Variants in PALLD observed in about 807,000 individuals in gnomAD.
The protein encoded by PALLD is palladin, cytoskeletal associated protein.
In PALLD, 61 loss-of-function variants were observed where a neutral mutation model predicts 123.5. The ratio of observed to expected loss-of-function variants is 0.49; its 90% CI spans 0.40 to 0.61. PALLD has a LOEUF of 0.61. Ranked by LOEUF, PALLD falls within the 20% of genes least tolerant of loss-of-function variation. The pLI, the probability that PALLD is intolerant of heterozygous loss-of-function variation, is 0.00. For synonymous variants in PALLD, 465 were observed against 496.4 expected (o/e 0.94, Z 0.84); for missense variants, 1,273 against 1,377.0 (o/e 0.92, Z 1.20).
At chr4:168,691,707 G>A (rs962732219) in intron 8 of PALLD, among the ~76,000 whole-genome samples, 2 of 152,128 alleles carry the variant, frequency 1.3e-5, no homozygotes, top group African/African-American at 2.4e-5. Context: ...TCAAATGAGA[G>A]CAGCTCAAAG....
In PALLD at chr4:168,709,026, AGAG is replaced by A. The variant is rs1190117630; in HGVS notation, c.1504_1506del (p.Glu502del). On this transcript the variant is annotated splice_acceptor_variant and coding_sequence_variant, in exon 9 of 22. Transcript: ENST00000505667. LOFTEE classifies it high-confidence loss of function. Reference sequence around the variant, plus strand: ...GAATGATTCTGTTCTCTTCACTTCCAGAGGAGATTTGCACCCTAGTTATCGCTG... The same window carrying A: ...GAATGATTCTGTTCTCTTCACTTCCAGAGATTTGCACCCTAGTTATCGCTG... The A allele has an allele frequency of 1.2e-6, 2 of 1,613,648 alleles. No homozygotes were observed. Among genetic ancestry groups the A allele is most frequent in the South Asian group, 1.1e-5 (1 of 91,070 alleles).
intron 6 of PALLD, among the ~76,000 whole-genome samples, chr4:168,688,498 A>T (rs4235034): frequency 0.7 from 106,988 of 152,022 alleles, 37,772 homozygotes; most frequent in South Asian, 0.8. Context: ...GGTCCTTGTA[A>T]GGATCCTGAA....
chr4:168,712,165 A>G, intron 10 of PALLD: 1 of 569,048 alleles, frequency 1.8e-6, no homozygotes, highest in Non-Finnish European at 3.1e-6. Context: ...CTGTGAAAAT[A>G]TCTGTGCCCA....
chr4:168,550,775 A>T (rs1388961482), intron 2 of PALLD, among the ~76,000 whole-genome samples: 1 of 152,180 alleles, frequency 6.6e-6, no homozygotes. Flanking sequence ...GACATATGTT[A>T]TGAATCCCTC....
chr4:168,516,548 T>C (rs915650414), intron 2 of PALLD, among the ~76,000 whole-genome samples: 10 of 152,210 alleles, frequency 6.6e-5, no homozygotes, highest in Admixed American at 6.5e-4. Context: ...TTTTAAACCA[T>C]TTAAATGTAA....
rs1476190308 is a variant in PALLD, at chr4:168,785,848, T to G, written c.1964+73925T>G. ...AGTCAGTTCTAATAAACTGTAGAGA[T>G]ATATATATATATATATATATATATA... On this transcript the variant is annotated intron_variant, in intron 10 of 21. Transcript: ENST00000505667. 1.3e-3 allele frequency among the ~76,000 whole-genome samples: 131 copies of G among 98,238 alleles called. 2 individuals are homozygous for G. Among genetic ancestry groups the G allele is most frequent in the East Asian group, 9.6e-3 (33 of 3,446 alleles). 64.4% of individuals were successfully genotyped at this position (98,238 alleles called of 152,430 possible).
intron 10 of PALLD, among the ~76,000 whole-genome samples, chr4:168,811,901 A>C (rs1741219012): frequency 6.6e-6 from 1 of 152,080 alleles, no homozygotes; most frequent in Non-Finnish European, 1.5e-5. Context: ...GAAGTATAAA[A>C]ACCATATCAA....
chr4:168,635,891 A>G (rs1304231811), intron 2 of PALLD, among the ~76,000 whole-genome samples: 2 of 152,202 alleles, frequency 1.3e-5, no homozygotes, highest in Admixed American at 1.3e-4. Flanking sequence ...GAATTGGAAA[A>G]ATGTCAAGAA....
intron 3 of PALLD, among the ~76,000 whole-genome samples, chr4:168,675,885 A>G (rs1019540400): frequency 1.3e-5 from 2 of 151,912 alleles, no homozygotes; most frequent in Non-Finnish European, 2.9e-5. Context: ...TGAGACCCCC[A>G]TCTCTATAAA....
intron 15 of PALLD, among the ~76,000 whole-genome samples, chr4:168,907,551 T>C (rs1158532827): frequency 6.6e-6 from 1 of 152,086 alleles, no homozygotes; most frequent in African/African-American, 2.4e-5. Flanking sequence ...ACAGCTGACA[T>C]CAGCCACACA....
intron 2 of PALLD, among the ~76,000 whole-genome samples, chr4:168,584,931 C>T (rs1053652078): frequency 6.6e-6 from 1 of 152,198 alleles, no homozygotes; most frequent in Non-Finnish European, 1.5e-5. Context: ...GAAGAAACTA[C>T]ACATTTATTT....
At position 168,877,726 on chromosome 4, in the gene PALLD, C is replaced by T. The variant is rs1443858005; in HGVS notation, c.1965-13196C>T. On this transcript the variant is annotated intron_variant, in intron 10 of 21. Transcript: ENST00000505667. The stretch of plus-strand genomic sequence containing the variant: ...TCACTTCTCTTTTTCCCCCCAGGGA[C>T]CCTCTGAAGCTCCAGCAACTCCAGA... 1.0e-5 allele frequency: 12 copies of T among 1,145,570 alleles called. No individual in the cohort carries two copies. In the East Asian group the frequency reaches 5.1e-4, roughly 48 times the overall value. 71.0% of individuals were successfully genotyped at this position (1,145,570 alleles called of 1,614,324 possible).
At chr4:168,924,163 T>G (rs934860569) in intron 18 of PALLD, 92 bp from the exon 19 acceptor site, 1 of 1,097,378 alleles carries the variant, frequency 9.1e-7, no homozygotes, top group Non-Finnish European at 1.4e-6. Flanking sequence ...TCATAAAAGA[T>G]CTATTCAAGC....
chr4:168,699,779 A>C (rs1383978727), intron 8 of PALLD, among the ~76,000 whole-genome samples: 1 of 152,222 alleles, frequency 6.6e-6, no homozygotes. Flanking sequence ...ATTTATCACC[A>C]GTAAAAACAG....
intron 10 of PALLD, among the ~76,000 whole-genome samples, chr4:168,765,112 A>G (rs1342770061): frequency 6.6e-6 from 1 of 152,210 alleles, no homozygotes; most frequent in Non-Finnish European, 1.5e-5. Flanking sequence ...TCTAATCTCT[A>G]GTCCTTAGCT....
At chr4:168,498,014 C>T (rs1213850519) in intron 1 of PALLD, among the ~76,000 whole-genome samples, 1 of 152,174 alleles carries the variant, frequency 6.6e-6, no homozygotes, top group Non-Finnish European at 1.5e-5. Context: ...AAAACTATTA[C>T]AAATCTATTC....
intron 2 of PALLD, among the ~76,000 whole-genome samples, chr4:168,524,995 C>A (rs1189440643): frequency 6.6e-6 from 1 of 152,098 alleles, no homozygotes; most frequent in East Asian, 1.9e-4. Flanking sequence ...GAACACTGAT[C>A]CCAAGCAGAA....
intron 10 of PALLD, among the ~76,000 whole-genome samples, chr4:168,766,130 G>A (rs1316912323): frequency 6.6e-6 from 1 of 152,194 alleles, no homozygotes; most frequent in Non-Finnish European, 1.5e-5. Flanking sequence ...TGCCAAATGT[G>A]AGGTGTGGGA....
intron 15 of PALLD, among the ~76,000 whole-genome samples, chr4:168,907,004 G>A (rs1208048583): frequency 6.6e-6 from 1 of 152,210 alleles, no homozygotes; most frequent in Non-Finnish European, 1.5e-5. Flanking sequence ...TTATGAGCAT[G>A]AACTTTGGCA....
Sources: gnomAD v4.1 joint callset for allele counts (sites outside exome capture counted in the v4.1 genomes callset) on GRCh38, gnomAD v4.1.1 for gene constraint, MANE v1.5 for transcripts, NCBI Gene and HGNC (gene_info 2026-07-23, HGNC 2026-07-21) for gene names.